ARSF: variants seen among roughly 807,000 people sequenced by gnomAD.
ARSF encodes the protein arylsulfatase F.
ARSF carries 33 observed loss-of-function variants against 35.4 expected under a neutral mutation model. The observed-to-expected ratio is 0.93, with a 90% CI of 0.71 to 1.25. The LOEUF is 1.25. Among genes scored for constraint, ARSF ranks in the 50% most tolerant of loss-of-function variants. The pLI is 0.00. For synonymous variants in ARSF, 222 were observed against 193.1 expected, an observed-to-expected ratio of 1.15 and a Z score of -1.24; for missense variants, 501 against 480.2, an observed-to-expected ratio of 1.04 and a Z score of -0.40.
chrX:3,101,146 A>G lies in ARSF; in HGVS notation c.1027A>G (p.Thr343Ala). The G allele has an allele frequency of 8.3e-7, 1 of 1,210,734 alleles. No homozygotes were observed. Among genetic ancestry groups the G allele is most frequent in the South Asian group, 1.8e-5 (1 of 56,920 alleles). Reference protein sequence around the residue: ...GLRNNTLVYFTSDHGGHLEAR... With the variant: ...GLRNNTLVYFASDHGGHLEAR... ...AAGGAACAACACCCTTGTCTACTTT[A>G]CATCAGATCACGGAGGGCATTTGGA... The change falls in exon 8 of 11, where the codon ACA (threonine) becomes GCA (alanine). Residue 343 changes from threonine to alanine, a missense_variant. By Grantham distance (58) the Thr-to-Ala change is moderately conservative. Transcript: ENST00000381127.
chrX:3,112,559 A>ACAAT lies in ARSF; in HGVS notation c.*6_*9dup, dbSNP rs757019511. 3 of 1,195,831 alleles carry ACAAT rather than the reference A, an allele frequency of 2.5e-6. No individual in the cohort carries two copies. The African/African-American group carries it at 5.5e-5, about 22-fold the overall frequency. Reference sequence around the variant, plus strand: ...GGGGTCCTAACGAGAAGAGATAATTACAATCAGGCTACCAGAGGAAGCCTT... The same window carrying ACAAT: ...GGGGTCCTAACGAGAAGAGATAATTACAATCAATCAGGCTACCAGAGGAAGCCTT... On this transcript the variant is annotated 3_prime_UTR_variant, in exon 11 of 11. Coordinates refer to ENST00000381127, the MANE Select transcript of ARSF (RefSeq NM_001201539.2).
Position 3,084,632 on chromosome X carries a change from A to T in ARSF, c.796A>T (p.Ile266Phe), listed in dbSNP as rs1490439154. ...QPMKAERAGS[I>F]MVKEAISFLE... Reference sequence around the variant, plus strand: ...CATGAAGGCTGAACGAGCTGGATCCATTATGGTGAAGGAAGCGATTTCCTT... The same window carrying T: ...CATGAAGGCTGAACGAGCTGGATCCTTTATGGTGAAGGAAGCGATTTCCTT... Residue 266 changes from isoleucine to phenylalanine, a missense_variant, in exon 6 of 11, where the codon ATT (isoleucine) becomes TTT (phenylalanine). Coordinates refer to ENST00000381127, the MANE Select transcript of ARSF (RefSeq NM_001201539.2). The T allele has an allele frequency of 6.8e-6, 8 of 1,180,800 alleles. No individual in the cohort carries two copies. Among genetic ancestry groups the T allele is most frequent in the Non-Finnish European group, 9.1e-6 (8 of 881,482 alleles).
intron 9 of ARSF, among the ~76,000 whole-genome samples, chrX:3,106,273 C>T (rs1422352667): frequency 8.9e-6 from 1 of 112,117 alleles, no homozygotes; most frequent in Non-Finnish European, 1.9e-5. Flanking sequence ...ACCTCAGCTT[C>T]ACGTACAGGT....
At chrX:3,055,969 C>T (rs190983668) in intron 1 of ARSF, among the ~76,000 whole-genome samples, 6,569 of 111,027 alleles carry the variant, frequency 0.059, 241 homozygotes, top group African/African-American at 0.14. Context: ...AAATTTTTTT[C>T]GAGATGGGAT....
chrX:3,066,144 C>T (rs752591676), intron 1 of ARSF, among the ~76,000 whole-genome samples: 2 of 111,583 alleles, frequency 1.8e-5, no homozygotes, highest in Non-Finnish European at 3.8e-5. Flanking sequence ...CATACAACAG[C>T]ATGTTTCATG....
At chrX:3,093,513 G>C (rs937861786) in intron 7 of ARSF, among the ~76,000 whole-genome samples, 7 of 111,673 alleles carry the variant, frequency 6.3e-5, no homozygotes, top group South Asian at 3.8e-4. Context: ...TGTGGTAGTT[G>C]GTTTTCTTTT....
chrX:3,076,483 C>G, intron 3 of ARSF, 65 bp from the exon 4 acceptor site: 1 of 1,121,374 alleles, frequency 8.9e-7, no homozygotes, highest in South Asian at 2.0e-5. Flanking sequence ...CTCGCTCTTC[C>G]TCTCTGCTTC....
At position 3,066,626 on chromosome X, in the gene ARSF, T is replaced by C. The variant is rs149205899; in HGVS notation, c.-28-1447T>C. Reference sequence around the variant, plus strand: ...TATTTGGCTGAATGTAATGTTTTGTTGTTGATGTGCTGTTGTTTTTCTTTT... The same window carrying C: ...TATTTGGCTGAATGTAATGTTTTGTCGTTGATGTGCTGTTGTTTTTCTTTT... On this transcript the variant is annotated intron_variant, in intron 1 of 10. Coordinates refer to ENST00000381127, the MANE Select transcript of ARSF (RefSeq NM_001201539.2). 5.3e-3 allele frequency among the ~76,000 whole-genome samples: 588 copies of C among 111,939 alleles called. 4 individuals carry two copies. Among genetic ancestry groups the C allele is most frequent in the African/African-American group, 0.018 (549 of 30,829 alleles).
Position 3,051,489 on chromosome X carries a change from T to C in ARSF, c.-29+9826T>C, listed in dbSNP as rs144527846. On this transcript the variant is annotated intron_variant, in intron 1 of 10. Coordinates refer to ENST00000381127, the MANE Select transcript of ARSF (RefSeq NM_001201539.2). Reference sequence around the variant, plus strand: ...AATAATGGTGTCCAAAAGAGTTCCGTGATGAAACGTAAATGGTTCATGTAG... The same window carrying C: ...AATAATGGTGTCCAAAAGAGTTCCGCGATGAAACGTAAATGGTTCATGTAG... 9.6e-4 allele frequency among the ~76,000 whole-genome samples: 107 copies of C among 112,041 alleles called. 1 individual carries two copies. In the East Asian group the frequency reaches 0.027, roughly 28 times the overall value.
intron 7 of ARSF, among the ~76,000 whole-genome samples, chrX:3,090,655 G>A (rs910085730): frequency 1.2e-4 from 13 of 112,514 alleles, no homozygotes; most frequent in Non-Finnish European, 2.1e-4. Context: ...CAGTCTGGGT[G>A]ACAGTAGCTC....
chrX:3,092,582 C>G (rs1485418301), intron 7 of ARSF, among the ~76,000 whole-genome samples: 2 of 111,743 alleles, frequency 1.8e-5, no homozygotes, highest in Non-Finnish European at 3.8e-5. Flanking sequence ...TCTGGTTGGA[C>G]AAGCTGTGAT....
Position 3,111,138 on chromosome X carries a change from C to CT in ARSF, c.1390+900dup, listed in dbSNP as rs1164012790. On this transcript the variant is annotated intron_variant, in intron 10 of 10. Transcript: ENST00000381127. ...TGCCTCTGATGTGCTTTCTTTCTTT[C>CT]TTTTTTTTTTTTTTGGAGATAAAAA... 6.8e-3 allele frequency among the ~76,000 whole-genome samples: 611 copies of CT among 89,205 alleles called. 4 individuals carry two copies. Among genetic ancestry groups the CT allele is most frequent in the African/African-American group, 0.019 (497 of 25,789 alleles). The allele number at this position is 89,205 out of a possible 115,157, so 77.5% of individuals were successfully genotyped here. A position where few individuals can be genotyped will look rare whatever the true frequency, so the allele number is the denominator to read the frequency against.
At chrX:3,065,259 G>T (rs1484781590) in intron 1 of ARSF, among the ~76,000 whole-genome samples, 1 of 101,044 alleles carries the variant, frequency 9.9e-6, no homozygotes, top group Non-Finnish European at 2.0e-5. Flanking sequence ...CACAGGGTGG[G>T]GGACATCACA....
rs1335218604 is a variant in ARSF, at chrX:3,080,882, T to C, written c.284-9T>C. ...CTACTCATTGTACTTTTTTCCACAC[T>C]ACATCTAGGTATGGTTTCTAGTGGT... On this transcript the variant is annotated splice_polypyrimidine_tract_variant and intron_variant, in intron 4 of 10. Coordinates refer to ENST00000381127, the MANE Select transcript of ARSF (RefSeq NM_001201539.2). The C allele has an allele frequency of 8.3e-7, 1 of 1,210,023 alleles. No homozygotes were observed. The highest frequency in any genetic ancestry group is 1.1e-6 in the Non-Finnish European group (1 of 894,837).
At chrX:3,074,801 T>C (rs777368970) in intron 3 of ARSF, among the ~76,000 whole-genome samples, 4 of 111,296 alleles carry the variant, frequency 3.6e-5, no homozygotes, top group Admixed American at 2.9e-4. Context: ...AAATAGAGGA[T>C]TTATTCACGT....
At chrX:3,057,074 G>A (rs932103222) in intron 1 of ARSF, among the ~76,000 whole-genome samples, 4 of 111,183 alleles carry the variant, frequency 3.6e-5, no homozygotes, top group Non-Finnish European at 7.5e-5. Flanking sequence ...TAAAAGAGTC[G>A]GTTGCCCATC....
At position 3,076,668 on chromosome X, in the gene ARSF, A is replaced by C. The variant is rs1247004826; in HGVS notation, c.282A>C (p.Ser94=). ...TGACGGGAAGATACCCCATCCGATC[A>C]GGTGCGCAAACTGGCGGGCTCTGCT... ...AFLTGRYPIR[S]GMVSSGNRRV... is the part of the protein sequence containing the mutation. Residue 94 remains serine, a splice_region_variant and synonymous_variant, in exon 4 of 11, where the codon TCA becomes TCC. Transcript: ENST00000381127. 1 of 1,210,337 alleles carries C rather than the reference A, an allele frequency of 8.3e-7. No homozygotes were observed. The highest frequency in any genetic ancestry group is 2.2e-5 in the Admixed American group (1 of 45,903).
chrX:3,094,144 TC>T (rs1020888429), intron 7 of ARSF, among the ~76,000 whole-genome samples: 1 of 111,540 alleles, frequency 9.0e-6, no homozygotes, highest in Non-Finnish European at 1.9e-5. Context: ...CCCCACAACA[TC>T]CCCGGAGACG....
chrX:3,112,588 T>TC lies in ARSF; in HGVS notation c.*34dup, dbSNP rs2090455272. On this transcript the variant is annotated 3_prime_UTR_variant, in exon 11 of 11. Transcript: ENST00000381127. ...TCAGGCTACCAGAGGAAGCCTTTGGTCCTAACGAGAAGAGATAATTACAAT... is the reference window on the plus strand; with the variant it reads ...TCAGGCTACCAGAGGAAGCCTTTGGTCCCTAACGAGAAGAGATAATTACAAT... 1 of 1,166,404 alleles carries TC rather than the reference T, an allele frequency of 8.6e-7. No individual in the cohort carries two copies. The highest frequency in any genetic ancestry group is 1.8e-5 in the African/African-American group (1 of 54,323).
Sources: allele counts gnomAD v4.1 joint callset (sites outside exome capture counted in the v4.1 genomes callset), GRCh38; gene constraint gnomAD v4.1.1; transcripts MANE v1.5; gene names NCBI Gene and HGNC (gene_info 2026-07-23, HGNC 2026-07-21).